The following LIG1 variants were observed in gnomAD, a reference collection of about 807,000 sequenced individuals.
The protein encoded by LIG1 is DNA ligase 1, also known as ligase I, DNA, ATP-dependent.
LIG1 carries 70 observed loss-of-function variants against 115.7 expected under a neutral mutation model. The ratio of observed to expected loss-of-function variants is 0.60; its 90% CI spans 0.50 to 0.74. The LOEUF is 0.74. Ranked by LOEUF, LIG1 falls within the 30% of genes least tolerant of loss-of-function variation. The pLI is 0.00. For missense variants in LIG1, 1,115 were observed against 1,225.6 expected (o/e 0.91, Z 1.35); for synonymous variants, 487 against 495.3 (o/e 0.98, Z 0.22).
intron 25 of LIG1, among the ~76,000 whole-genome samples, chr19:48,118,744 T>C (rs1248850938): frequency 6.6e-6 from 1 of 152,012 alleles, no homozygotes; most frequent in African/African-American, 2.4e-5. Context: ...AGTATGAAAA[T>C]AAACTAATAC....
rs563731679 is a variant in LIG1 at position 48,153,226 on chromosome 19, C to CT, written c.466+645dup. Among the ~76,000 whole-genome samples, 69 of 140,146 alleles carry CT rather than the reference C, an allele frequency of 4.9e-4. No homozygotes were observed. The East Asian group carries it at 0.014, about 29-fold the overall frequency. The allele number at this position is 140,146 out of a possible 152,430, so 91.9% of individuals were successfully genotyped here. ...AAAAAAAAAAAAAGCACAAATATTACTTTTTTTCCAATGTATGTATAGTAT... is the reference window on the plus strand; with the variant it reads ...AAAAAAAAAAAAAGCACAAATATTACTTTTTTTTCCAATGTATGTATAGTAT... On this transcript the variant is annotated intron_variant, in intron 6 of 27. Coordinates refer to ENST00000263274, the MANE Select transcript of LIG1 (RefSeq NM_000234.3).
At position 48,134,000 on chromosome 19, in the gene LIG1, C is replaced by T. The variant is rs945928573; in HGVS notation, c.1590G>A (p.Glu530=). 5 of 1,554,750 alleles carry T rather than the reference C, an allele frequency of 3.2e-6. No homozygotes were observed. The highest frequency in any genetic ancestry group is 4.4e-6 in the Non-Finnish European group (5 of 1,148,768). The change falls in exon 17 of 28, where the codon GAG becomes GAA. Residue 530 remains glutamate, a synonymous_variant. Transcript: ENST00000263274. ...CTGTACCTGGGCTCAGCTTGCAGTGCTCCGGGAGACGTTCCAGGCCGTGCT... is the reference window on the plus strand; with the variant it reads ...CTGTACCTGGGCTCAGCTTGCAGTGTTCCGGGAGACGTTCCAGGCCGTGCT... ...LLEHGLERLP[E]HCKLSPGIPL...
intron 21 of LIG1, among the ~76,000 whole-genome samples, chr19:48,123,844 C>T (rs1237818813): frequency 7.4e-6 from 1 of 134,472 alleles, no homozygotes; most frequent in Admixed American, 7.4e-5. Flanking sequence ...AGCCTCATCC[C>T]CAAGATAATT....
In LIG1 at chr19:48,160,816, T is replaced by C. The variant is rs551412320; in HGVS notation, c.243+556A>G. 8.5e-5 allele frequency among the ~76,000 whole-genome samples: 13 copies of C among 152,104 alleles called. No homozygotes were observed. The East Asian group carries it at 2.3e-3, about 27-fold the overall frequency. On this transcript the variant is annotated intron_variant, in intron 4 of 27. Transcript: ENST00000263274. ...GGTACAATCACAGTTCACTGCAGCC[T>C]TGAACACCCGGGCTCAAGCGATCCT...
intron 21 of LIG1, among the ~76,000 whole-genome samples, chr19:48,124,460 C>T (rs181725681): frequency 3.0e-4 from 46 of 152,270 alleles, no homozygotes; most frequent in Non-Finnish European, 5.0e-4. Context: ...CAGCTGAGCC[C>T]GTGCTACCCA....
chr19:48,149,831 C>T lies in LIG1; in HGVS notation c.708G>A (p.Lys236=). Residue 236 remains lysine, a synonymous_variant, in exon 9 of 28, where the codon AAG becomes AAA. Coordinates refer to ENST00000263274, the MANE Select transcript of LIG1 (RefSeq NM_000234.3). The stretch of plus-strand genomic sequence containing the variant: ...CCTTCACTTCTTTTTTGACTGCTGG[C>T]TTCCGGGGGGCTAGGAATGAAGACA... The part of the protein sequence containing the change: ...KTLSSFFTPR[K]PAVKKEVKEE... 1.9e-6 allele frequency: 3 copies of T among 1,614,044 alleles called. No individual in the cohort carries two copies. The highest frequency in any genetic ancestry group is 1.3e-5 in the African/African-American group (1 of 75,030).
At chr19:48,157,189 C>A in intron 4 of LIG1, 49 bp from the exon 5 acceptor site, 1 of 1,559,412 alleles carries the variant, frequency 6.4e-7, no homozygotes, top group Non-Finnish European at 8.7e-7. Context: ...AGGAGGGACT[C>A]CATTTTCCAA....
At chr19:48,166,582 T>C (rs1031776467) in intron 1 of LIG1, among the ~76,000 whole-genome samples, 1 of 152,196 alleles carries the variant, frequency 6.6e-6, no homozygotes, top group African/African-American at 2.4e-5. Flanking sequence ...CTTCACAATA[T>C]ATTTTTAAAA....
At chr19:48,156,492 C>T (rs1414800582) in intron 5 of LIG1, among the ~76,000 whole-genome samples, 1 of 152,188 alleles carries the variant, frequency 6.6e-6, no homozygotes, top group East Asian at 1.9e-4. Flanking sequence ...TCATTATCAT[C>T]ATCTCTACAG....
At chr19:48,134,463 G>C (rs763606891) in intron 16 of LIG1, among the ~76,000 whole-genome samples, 1 of 152,220 alleles carries the variant, frequency 6.6e-6, no homozygotes, top group Non-Finnish European at 1.5e-5. Context: ...TTCAAGACCA[G>C]CCTAGCCAAC....
intron 2 of LIG1, among the ~76,000 whole-genome samples, chr19:48,163,032 A>T (rs984117302): frequency 2.6e-5 from 4 of 151,466 alleles, no homozygotes; most frequent in Non-Finnish European, 5.9e-5. Flanking sequence ...CTCCTGCCTC[A>T]GCCTCCCGAG....
intron 5 of LIG1, among the ~76,000 whole-genome samples, chr19:48,154,880 C>A (rs1038928777): frequency 6.6e-6 from 1 of 152,152 alleles, no homozygotes; most frequent in Admixed American, 6.6e-5. Context: ...AGGATAAAGT[C>A]TTTTGATGTC....
intron 1 of LIG1, 97 bp downstream of exon 1, chr19:48,170,144 C>A (rs1411838931): frequency 2.2e-6 from 1 of 451,714 alleles, no homozygotes; most frequent in African/African-American, 2.0e-5. Flanking sequence ...ACGCCCACTC[C>A]TCTGCAGACA....
chr19:48,129,866 G>A (rs1205999491), intron 19 of LIG1, among the ~76,000 whole-genome samples: 2 of 151,938 alleles, frequency 1.3e-5, no homozygotes, highest in African/African-American at 2.4e-5. Flanking sequence ...AACGATTCTC[G>A]TGCCTCAGCC....
In LIG1 at chr19:48,130,253, C is replaced by T. The variant is rs78922580; in HGVS notation, c.1821+823G>A. Among the ~76,000 whole-genome samples, 19 of 152,358 alleles carry T rather than the reference C, an allele frequency of 1.2e-4. No homozygotes were observed. In the East Asian group the frequency reaches 1.5e-3, roughly 12 times the overall value. On this transcript the variant is annotated intron_variant, in intron 19 of 27. Coordinates refer to ENST00000263274, the MANE Select transcript of LIG1 (RefSeq NM_000234.3). ...GCACGGAACAGGAGCTCCCCTAACA[C>T]GTGCACTGAACTGTGCCTCTCTCTG...
intron 1 of LIG1, among the ~76,000 whole-genome samples, chr19:48,166,474 A>G (rs1178787348): frequency 6.6e-6 from 1 of 152,206 alleles, no homozygotes; most frequent in African/African-American, 2.4e-5. Flanking sequence ...TGGAAGACAA[A>G]AAACTGGTAA....
At chr19:48,143,202 A>G (rs1480725402) in intron 11 of LIG1, among the ~76,000 whole-genome samples, 2 of 152,216 alleles carry the variant, frequency 1.3e-5, no homozygotes, top group African/African-American at 4.8e-5. Context: ...ATATGGAGAC[A>G]TGTAAGCAAG....
intron 5 of LIG1, among the ~76,000 whole-genome samples, chr19:48,154,720 C>G (rs1316789395): frequency 6.6e-6 from 1 of 152,208 alleles, no homozygotes; most frequent in Non-Finnish European, 1.5e-5. Flanking sequence ...ACTGTTATAT[C>G]TCATGTTGGC....
Position 48,137,378 on chromosome 19 carries a change from G to C in LIG1, c.1254+144C>G. The C allele has an allele frequency of 9.4e-7, 1 of 1,067,454 alleles. No homozygotes were observed. The highest frequency in any genetic ancestry group is 1.4e-6 in the Non-Finnish European group (1 of 729,752). 66.1% of individuals were successfully genotyped at this position (1,067,454 alleles called of 1,614,324 possible). On this transcript the variant is annotated intron_variant, in intron 13 of 27. Coordinates refer to ENST00000263274, the MANE Select transcript of LIG1 (RefSeq NM_000234.3). This position sits in a 1 kb window ranked among gnomAD's most constrained non-coding sequence, Gnocchi z 4.3. ...GGAGACTCCCCTAGGATTGGGTGCAGGAAGGAGGAGAGGAAGCTGTGCACC... is the reference window on the plus strand; with the variant it reads ...GGAGACTCCCCTAGGATTGGGTGCACGAAGGAGGAGAGGAAGCTGTGCACC...
Sources: gnomAD v4.1 joint callset for allele counts (sites outside exome capture counted in the v4.1 genomes callset) on GRCh38, gnomAD v4.1.1 for gene constraint, Gnocchi (gnomAD v3.1) non-coding constraint, MANE v1.5 for transcripts, NCBI Gene and HGNC (gene_info 2026-07-23, HGNC 2026-07-21) for gene names.